Variants in GRM5 observed in about 807,000 individuals in gnomAD.
GRM5 encodes glutamate metabotropic receptor 5.
A neutral mutation model predicts 83.1 loss-of-function variants in GRM5; 19 were observed. That is an observed-to-expected ratio of 0.23 (90% CI 0.16 to 0.34). GRM5 has a LOEUF of 0.34. Ranked by LOEUF, GRM5 falls within the 10% of genes least tolerant of loss-of-function variation. The pLI, the probability that GRM5 is intolerant of heterozygous loss-of-function variation, is 1.00. For synonymous variants in GRM5, 675 were observed against 633.6 expected (o/e 1.07, Z -0.98); for missense variants, 1,160 against 1,588.3 (o/e 0.73, Z 4.58).
chr11:88,901,509 G>A (rs1945315567), intron 2 of GRM5, among the ~76,000 whole-genome samples: 1 of 152,084 alleles, frequency 6.6e-6, no homozygotes, highest in African/African-American at 2.4e-5. Context: ...TTTGACCCCA[G>A]AAGTATCTTG....
At chr11:89,055,248 T>A (rs115607953) in intron 1 of GRM5, among the ~76,000 whole-genome samples, 1 of 152,204 alleles carries the variant, frequency 6.6e-6, no homozygotes, top group Non-Finnish European at 1.5e-5. Flanking sequence ...TGGCGGTGTG[T>A]CCTTAGGCAT....
chr11:88,857,483 C>T (rs1439033876), intron 2 of GRM5, among the ~76,000 whole-genome samples: 1 of 152,064 alleles, frequency 6.6e-6, no homozygotes, highest in Non-Finnish European at 1.5e-5. Context: ...TTAGCCCAAA[C>T]TGCCCATATT....
At chr11:89,038,582 C>T (rs1941450844) in intron 2 of GRM5, among the ~76,000 whole-genome samples, 1 of 152,186 alleles carries the variant, frequency 6.6e-6, no homozygotes, top group Non-Finnish European at 1.5e-5. Flanking sequence ...AACTTGTTAC[C>T]ACAGGCCTCC....
rs79972939 is a variant in GRM5, at chr11:88,675,756, G to A, written c.912-22353C>T. ...TCACGTCATCCTAACCCAAAACCTT[G>A]GACTCGTTGTCCCATGTTTCTCACA... On this transcript the variant is annotated intron_variant, in intron 3 of 9. Coordinates refer to ENST00000305447, the MANE Select transcript of GRM5 (RefSeq NM_001143831.3). Among the ~76,000 whole-genome samples the A allele has an allele frequency of 6.6e-3, 996 of 151,992 alleles. 7 individuals carry two copies. The highest frequency in any genetic ancestry group is 0.023 in the African/African-American group (962 of 41,494).
At chr11:88,989,122 C>A (rs1299925034) in intron 2 of GRM5, among the ~76,000 whole-genome samples, 1 of 150,458 alleles carries the variant, frequency 6.6e-6, no homozygotes, top group Non-Finnish European at 1.5e-5. Flanking sequence ...ACCCATCTCA[C>A]GTGCAGAGAC....
At chr11:88,514,617 C>T (rs150854917) in intron 9 of GRM5, among the ~76,000 whole-genome samples, 11 of 151,668 alleles carry the variant, frequency 7.3e-5, no homozygotes, top group Admixed American at 2.6e-4. Context: ...AAGGTATTCA[C>T]AAGTGTGACA....
chr11:88,609,588 T>G (rs1480945962), intron 4 of GRM5, among the ~76,000 whole-genome samples: 1 of 152,182 alleles, frequency 6.6e-6, no homozygotes, highest in East Asian at 1.9e-4. Context: ...GGGGTTGTTT[T>G]TTGCCTGCTG....
rs1428507208 is a variant in GRM5, at chr11:88,720,807, T to TGTGTGTGTGTGC, written c.912-67405_912-67404insGCACACACACAC. Among the ~76,000 whole-genome samples, 154 of 133,460 alleles carry TGTGTGTGTGTGC rather than the reference T, an allele frequency of 1.2e-3. 1 individual carries two copies. Among genetic ancestry groups the TGTGTGTGTGTGC allele is most frequent in the African/African-American group, 3.7e-3 (131 of 35,098 alleles). 87.6% of individuals were successfully genotyped at this position (133,460 alleles called of 152,430 possible). On this transcript the variant is annotated intron_variant, in intron 3 of 9. Coordinates refer to ENST00000305447, the MANE Select transcript of GRM5 (RefSeq NM_001143831.3). ...GGAAAATCATTACTCTGTGTGTGTGTGTGTGTGTGTGTGCGTGTGTGTGTG... is the reference window on the plus strand; with the variant it reads ...GGAAAATCATTACTCTGTGTGTGTGTGTGTGTGTGTGCGTGTGTGTGTGTGCGTGTGTGTGTG...
chr11:88,731,003 A>G (rs891452610), intron 3 of GRM5, among the ~76,000 whole-genome samples: 1 of 152,180 alleles, frequency 6.6e-6, no homozygotes, highest in African/African-American at 2.4e-5. Context: ...TGTATCCCAG[A>G]ACATAAAGTA....
intron 9 of GRM5, among the ~76,000 whole-genome samples, chr11:88,519,562 C>T (rs758631741): frequency 3.3e-5 from 5 of 152,122 alleles, no homozygotes; most frequent in Non-Finnish European, 5.9e-5. Flanking sequence ...GCATTTGACA[C>T]AGTGTCTCAT....
At chr11:88,854,341 T>C (rs1242931472) in intron 2 of GRM5, among the ~76,000 whole-genome samples, 1 of 151,822 alleles carries the variant, frequency 6.6e-6, no homozygotes, top group Non-Finnish European at 1.5e-5. Context: ...GTCACTCTAA[T>C]AAGCTATTAT....
chr11:88,945,397 A>G (rs997033476), intron 2 of GRM5, among the ~76,000 whole-genome samples: 1 of 152,122 alleles, frequency 6.6e-6, no homozygotes, highest in African/African-American at 2.4e-5. Flanking sequence ...AATGTAATGT[A>G]GCATTCATAT....
intron 6 of GRM5, among the ~76,000 whole-genome samples, chr11:88,594,015 G>T (rs932385618): frequency 1.3e-5 from 2 of 151,896 alleles, no homozygotes; most frequent in East Asian, 2.0e-4. Flanking sequence ...AGATGGTCTC[G>T]ATCTCCTGAC....
chr11:88,824,333 C>A (rs1307676886), intron 3 of GRM5, among the ~76,000 whole-genome samples: 1 of 152,118 alleles, frequency 6.6e-6, no homozygotes, highest in Non-Finnish European at 1.5e-5. Flanking sequence ...AAGGAACTAC[C>A]AGAGCTAGAT....
rs778340735 is a variant in GRM5 at position 88,509,338 on chromosome 11, C to A, written c.2893G>T (p.Ala965Ser). Residue 965 changes from alanine (A) to serine (S), a missense_variant, in exon 10 of 10, where the codon GCT (alanine) becomes TCT (serine). Ala to Ser is a moderately conservative substitution (Grantham distance 99). Around this residue, in one of 9 missense-constraint regions of GRM5, gnomAD observed 562 missense variants for 532.4 expected, o/e 1.06. Coordinates refer to ENST00000305447, the MANE Select transcript of GRM5 (RefSeq NM_001143831.3). The part of the protein sequence containing the change: ...STESRGLGAG[A>S]GAGGSAGGVG... ...CCCCCAGCGCTCCCGCCTGCGCCAGCGCCAGCGCCCAGGCCACGGCTCTCC... is the reference window on the plus strand; with the variant it reads ...CCCCCAGCGCTCCCGCCTGCGCCAGAGCCAGCGCCCAGGCCACGGCTCTCC... The A allele has an allele frequency of 9.4e-6, 15 of 1,602,914 alleles. No individual in the cohort carries two copies. In the Admixed American group the frequency reaches 2.4e-4, roughly 25 times the overall value.
intron 3 of GRM5, among the ~76,000 whole-genome samples, chr11:88,699,976 C>T (rs558857297): frequency 6.6e-6 from 1 of 152,198 alleles, no homozygotes; most frequent in Non-Finnish European, 1.5e-5. Context: ...ATACCATAGA[C>T]CTTAGGGGAG....
chr11:88,757,000 T>A (rs935427178), intron 3 of GRM5, among the ~76,000 whole-genome samples: 1 of 152,046 alleles, frequency 6.6e-6, no homozygotes, highest in Non-Finnish European at 1.5e-5. Flanking sequence ...AATCAAACTT[T>A]TTAAAGACAA....
chr11:88,796,456 A>T (rs1943275492), intron 3 of GRM5, among the ~76,000 whole-genome samples: 1 of 152,210 alleles, frequency 6.6e-6, no homozygotes. Flanking sequence ...CAAAAGACAT[A>T]ATTTAAAATA....
intron 3 of GRM5, among the ~76,000 whole-genome samples, chr11:88,654,380 G>A (rs1332882121): frequency 6.6e-6 from 1 of 152,010 alleles, no homozygotes; most frequent in African/African-American, 2.4e-5. Flanking sequence ...AAGAAGGAAA[G>A]TGACTTGTCC....
Sources: gnomAD v4.1 joint callset for allele counts (sites outside exome capture counted in the v4.1 genomes callset) on GRCh38, gnomAD v4.1.1 for gene constraint, gnomAD v4.1.1 regional missense constraint, MANE v1.5 for transcripts, NCBI Gene and HGNC (gene_info 2026-07-23, HGNC 2026-07-21) for gene names.